ADGRL2: variants seen among roughly 807,000 people sequenced by gnomAD.
The protein encoded by ADGRL2 is calcium-independent alpha-latrotoxin receptor 2.
In ADGRL2, 44 loss-of-function variants were observed where a neutral mutation model predicts 157.4. The ratio of observed to expected loss-of-function variants is 0.28; its 90% confidence interval spans 0.22 to 0.36. ADGRL2 has a LOEUF of 0.36. Ranked by LOEUF, ADGRL2 falls within the 10% of genes least tolerant of loss-of-function variation. The pLI, the probability that ADGRL2 is intolerant of heterozygous loss-of-function variation, is 1.00. For missense variants in ADGRL2, 1,510 were observed against 1,768.9 expected (o/e 0.85, Z 2.63); for synonymous variants, 585 against 624.7 (o/e 0.94, Z 0.95).
Position 81,985,307 on chromosome 1 carries a change from T to A in ADGRL2, c.3460T>A (p.Ser1154Thr). 1.2e-6 allele frequency: 2 copies of A among 1,607,738 alleles called. No homozygotes were observed. Among genetic ancestry groups the A allele is most frequent in the South Asian group, 1.1e-5 (1 of 90,650 alleles). Residue 1154 changes from serine to threonine, a missense_variant, in exon 21 of 24, where the codon TCT becomes ACT. This residue lies in a region of ADGRL2 where 497 missense variants were observed against 627.2 expected (regional missense o/e 0.79). Transcript: ENST00000686636. Reference sequence around the variant, plus strand: ...TGATACTGTGAGAAAACAATCAGAATCTTCTTTTATCTCAGGTGACATCAA... The same window carrying A: ...TGATACTGTGAGAAAACAATCAGAAACTTCTTTTATCTCAGGTGACATCAA... Reference protein sequence around the residue: ...WNDTVRKQSESSFISGDINST... With the variant: ...WNDTVRKQSETSFISGDINST...
intron 1 of ADGRL2, among the ~76,000 whole-genome samples, chr1:81,321,334 G>A (rs186494297): frequency 2.3e-3 from 352 of 152,290 alleles, no homozygotes; most frequent in Admixed American, 8.4e-3. Context: ...CACAAGAGTA[G>A]CAGTTTTAAT....
At chr1:81,402,150 G>A (rs1218190710) in intron 1 of ADGRL2, among the ~76,000 whole-genome samples, 3 of 152,044 alleles carry the variant, frequency 2.0e-5, no homozygotes, top group African/African-American at 7.2e-5. Context: ...CTCTTTACTT[G>A]ACTAAATGAG....
Position 81,596,602 on chromosome 1 carries a change from C to G in ADGRL2, c.-143+15622C>G, listed in dbSNP as rs957648125. The G allele has an allele frequency of 5.3e-5, 9 of 168,272 alleles. No individual in the cohort carries two copies. In the Admixed American group the frequency reaches 5.5e-4, roughly 10 times the overall value. 10.4% of individuals were successfully genotyped at this position (168,272 alleles called of 1,614,324 possible). Reference sequence around the variant, plus strand: ...CGGGCGGATCAGAGCTCCGCACCACCTACGACAGTGTCTTCCCCAAAGAGG... The same window carrying G: ...CGGGCGGATCAGAGCTCCGCACCACGTACGACAGTGTCTTCCCCAAAGAGG... On this transcript the variant is annotated intron_variant, in intron 3 of 24. Coordinates refer to the ADGRL2 transcript ENST00000370721.
chr1:81,427,350 G>T, intron 1 of ADGRL2: 1 of 730,806 alleles, frequency 1.4e-6, no homozygotes, highest in Non-Finnish European at 2.5e-6. Context: ...GGGGGCTATG[G>T]TGGTGGCGGA....
At chr1:81,663,916 G>A (rs551532369) in intron 3 of ADGRL2, among the ~76,000 whole-genome samples, 2 of 152,114 alleles carry the variant, frequency 1.3e-5, no homozygotes, top group Non-Finnish European at 1.5e-5. Context: ...AGGCTGTTTA[G>A]TATGGTTTAT....
intron 1 of ADGRL2, chr1:81,723,024 T>TTATG: frequency 1.3e-6 from 1 of 771,388 alleles, no homozygotes; most frequent in Non-Finnish European, 2.3e-6. Context: ...AACCCAAAGG[T>TTATG]TATGAATCTT....
intron 1 of ADGRL2, among the ~76,000 whole-genome samples, chr1:81,747,467 A>C (rs1237778928): frequency 1.3e-5 from 2 of 151,686 alleles, no homozygotes; most frequent in East Asian, 3.9e-4. Flanking sequence ...TGCTCAGCTA[A>C]TTGTTTGTAT....
chr1:81,382,779 A>G (rs1442307157), intron 1 of ADGRL2, among the ~76,000 whole-genome samples: 1 of 152,208 alleles, frequency 6.6e-6, no homozygotes, highest in Non-Finnish European at 1.5e-5. Flanking sequence ...TACTAGGAGT[A>G]ATAGAAAATA....
chr1:81,975,982 T>A (rs1660096222), intron 17 of ADGRL2, among the ~76,000 whole-genome samples: 1 of 152,022 alleles, frequency 6.6e-6, no homozygotes, highest in African/African-American at 2.4e-5. Flanking sequence ...TCTATCAAAC[T>A]AAAATTTAGC....
intron 1 of ADGRL2, among the ~76,000 whole-genome samples, chr1:81,738,120 A>G (rs1012950507): frequency 1.3e-5 from 2 of 152,206 alleles, no homozygotes; most frequent in South Asian, 2.1e-4. Context: ...CAAAAAATGT[A>G]TCAATATTGT....
chr1:81,328,798 C>T (rs1156667169), intron 1 of ADGRL2, among the ~76,000 whole-genome samples: 3 of 152,006 alleles, frequency 2.0e-5, no homozygotes, highest in African/African-American at 7.2e-5. Flanking sequence ...CCCACTCTTC[C>T]TCCTACACAC....
At chr1:81,432,224 C>G (rs549630053) in intron 1 of ADGRL2, among the ~76,000 whole-genome samples, 94 of 152,288 alleles carry the variant, frequency 6.2e-4, no homozygotes, top group African/African-American at 2.1e-3. Flanking sequence ...GGAGACCATA[C>G]GCAGTGAAGA....
intron 1 of ADGRL2, among the ~76,000 whole-genome samples, chr1:81,750,199 C>T (rs2085443918): frequency 6.6e-6 from 1 of 152,088 alleles, no homozygotes; most frequent in African/African-American, 2.4e-5. Flanking sequence ...GAAGCTGGGA[C>T]AAGTAAGGTG....
intron 2 of ADGRL2, among the ~76,000 whole-genome samples, chr1:81,546,502 A>G (rs1570456807): frequency 6.6e-6 from 1 of 152,356 alleles, no homozygotes; most frequent in East Asian, 1.9e-4. Context: ...CATAATAATA[A>G]TGATAAATTA....
rs183599095 is a variant in ADGRL2, at chr1:81,318,700, A to G, written c.-302+12191A>G. 5.6e-3 allele frequency among the ~76,000 whole-genome samples: 860 copies of G among 152,234 alleles called. 5 individuals carry two copies. Among genetic ancestry groups the G allele is most frequent in the Non-Finnish European group, 8.6e-3 (582 of 68,020 alleles). On this transcript the variant is annotated intron_variant, in intron 1 of 24. Transcript: ENST00000370721. ...AAAATATACCTAATAATATTTCTAT[A>G]ACTTAAAATTAAATTTATTTTGGAA...
At chr1:81,695,528 T>C (rs1043225302), upstream of ADGRL2, among the ~76,000 whole-genome samples, 5 of 152,076 alleles carry the variant, frequency 3.3e-5, no homozygotes, top group Non-Finnish European at 5.9e-5. Context: ...GTTTTGAGAA[T>C]TGAGTATGAG....
intron 3 of ADGRL2, among the ~76,000 whole-genome samples, chr1:81,921,706 A>T (rs978923108): frequency 1.3e-5 from 2 of 152,214 alleles, no homozygotes; most frequent in Admixed American, 1.3e-4. Context: ...TAATATGAGG[A>T]TAGACACTTT....
intron 1 of ADGRL2, among the ~76,000 whole-genome samples, chr1:81,367,645 C>T (rs112105866): frequency 0.041 from 6,199 of 152,192 alleles, 187 homozygotes; most frequent in Middle Eastern, 0.099. Context: ...CTCTGCCTCC[C>T]GGTTTCAAGC....
intron 1 of ADGRL2, among the ~76,000 whole-genome samples, chr1:81,343,706 C>T (rs952259110): frequency 2.0e-5 from 3 of 150,508 alleles, no homozygotes; most frequent in Non-Finnish European, 3.0e-5. Context: ...GAGAGTGTGA[C>T]AGAGAGAGAG....
Sources: gnomAD v4.1 joint callset for allele counts (sites outside exome capture counted in the v4.1 genomes callset) on GRCh38, gnomAD v4.1.1 for gene constraint, gnomAD v4.1.1 regional missense constraint, MANE v1.5 for transcripts, NCBI Gene and HGNC (gene_info 2026-07-23, HGNC 2026-07-21) for gene names.